The following ZC3H18 variants were observed in gnomAD, a reference collection of about 807,000 sequenced individuals.
The protein encoded by ZC3H18 is zinc finger CCCH-type containing 18.
Under a neutral mutation model 106.1 loss-of-function variants are expected in ZC3H18, and 8 were observed. The observed-to-expected ratio is 0.08, with a 90% CI of 0.04 to 0.14. The LOEUF is 0.14. Among genes scored for constraint, ZC3H18 ranks in the 10% least tolerant of loss-of-function variants. The pLI, the probability that ZC3H18 is intolerant of heterozygous loss-of-function variation, is 1.00. For missense variants in ZC3H18, 1,318 were observed against 1,278.4 expected (o/e 1.03, Z -0.47); for synonymous variants, 635 against 522.1 (o/e 1.22, Z -2.95).
chr16:88,586,691 G>A lies in ZC3H18; in HGVS notation c.688+7G>A, dbSNP rs751831391. The A allele has an allele frequency of 5.0e-6, 8 of 1,613,888 alleles. No individual in the cohort carries two copies. The South Asian group carries it at 8.8e-5, about 18-fold the overall frequency. On this transcript the variant is annotated splice_region_variant and intron_variant, in intron 3 of 17. Coordinates refer to ENST00000301011, the MANE Select transcript of ZC3H18 (RefSeq NM_144604.4). ...TGCCGGTTCTTCATGAAAGGTAATT[G>A]TCTGCGTGTGAGGCCTTCTCGCAGC... is the stretch of plus-strand genomic sequence containing the variant.
chr16:88,623,897 G>T, intron 10 of ZC3H18, 61 bp from the exon 11 acceptor site: 3 of 1,546,254 alleles, frequency 1.9e-6, no homozygotes. Context: ...GTCCTCAGTG[G>T]GCTTGGGCTG....
chr16:88,594,851 A>G (rs1904346396), intron 3 of ZC3H18, among the ~76,000 whole-genome samples: 1 of 152,230 alleles, frequency 6.6e-6, no homozygotes, highest in Non-Finnish European at 1.5e-5. Context: ...GTAAAGATTA[A>G]TAAGAGAATA....
At chr16:88,587,503 A>G (rs2142591118) in intron 3 of ZC3H18, 1 of 1,513,930 alleles carries the variant, frequency 6.6e-7, no homozygotes, top group Non-Finnish European at 8.9e-7. Context: ...TGTGTGTGCC[A>G]TCTAAAGCTC....
chr16:88,611,579 G>T (rs767327582), intron 8 of ZC3H18, 43 bp downstream of exon 8: 1 of 1,539,776 alleles, frequency 6.5e-7, no homozygotes. Context: ...GGGGAGGTCC[G>T]GCATGCAGCT....
chr16:88,574,590 C>A (rs1354729761), intron 1 of ZC3H18, among the ~76,000 whole-genome samples: 3 of 151,018 alleles, frequency 2.0e-5, no homozygotes, highest in Non-Finnish European at 4.4e-5. Context: ...GCAGCCTCAA[C>A]CTCCTAGGAT....
chr16:88,604,827 C>T (rs1039269227), intron 6 of ZC3H18, among the ~76,000 whole-genome samples: 4 of 152,174 alleles, frequency 2.6e-5, no homozygotes, highest in East Asian at 1.9e-4. Flanking sequence ...GTGAGAAATG[C>T]GGTCATCAGT....
At chr16:88,573,552 C>G (rs1459006345) in intron 1 of ZC3H18, among the ~76,000 whole-genome samples, 1 of 151,930 alleles carries the variant, frequency 6.6e-6, no homozygotes, top group Non-Finnish European at 1.5e-5. Context: ...TTGACTTTCC[C>G]ATTTTCAGCA....
At chr16:88,593,921 G>A (rs975135957) in intron 3 of ZC3H18, among the ~76,000 whole-genome samples, 2 of 152,254 alleles carry the variant, frequency 1.3e-5, no homozygotes, top group Non-Finnish European at 2.9e-5. Flanking sequence ...CCCATTCAAA[G>A]TTCAAGATAG....
At chr16:88,582,208 CT>C (rs1215292589) in intron 2 of ZC3H18, among the ~76,000 whole-genome samples, 10 of 117,270 alleles carry the variant, frequency 8.5e-5, no homozygotes, top group African/African-American at 3.0e-4. Context: ...TCCACCTTTC[CT>C]TTTTCTTTTC....
At chr16:88,611,578 C>T (rs921622557) in intron 8 of ZC3H18, 42 bp downstream of exon 8, 101 of 1,539,694 alleles carry the variant, frequency 6.6e-5, no homozygotes, top group Non-Finnish European at 7.8e-5. Flanking sequence ...GGGGGAGGTC[C>T]GGCATGCAGC....
chr16:88,591,496 C>G (rs1024095400), intron 3 of ZC3H18, among the ~76,000 whole-genome samples: 1 of 151,748 alleles, frequency 6.6e-6, no homozygotes, highest in Non-Finnish European at 1.5e-5. Context: ...CGCTTGAACC[C>G]AGTAGGTGGA....
intron 8 of ZC3H18, among the ~76,000 whole-genome samples, chr16:88,620,260 C>T (rs1474421534): frequency 6.6e-6 from 1 of 152,236 alleles, no homozygotes; most frequent in Non-Finnish European, 1.5e-5. Flanking sequence ...GAGAATCCCA[C>T]TCACAGTAAC....
intron 7 of ZC3H18, among the ~76,000 whole-genome samples, chr16:88,609,495 T>C (rs1344170415): frequency 1.3e-5 from 2 of 151,620 alleles, no homozygotes; most frequent in Non-Finnish European, 2.9e-5. Context: ...AGAGACGGGG[T>C]TTTACCATGT....
intron 3 of ZC3H18, among the ~76,000 whole-genome samples, chr16:88,595,640 C>G (rs539718886): frequency 6.6e-6 from 1 of 151,752 alleles, no homozygotes; most frequent in Non-Finnish European, 1.5e-5. Context: ...AACCCTGTCA[C>G]TACTAAAAAT....
intron 1 of ZC3H18, among the ~76,000 whole-genome samples, chr16:88,574,507 C>G (rs1198768212): frequency 1.3e-5 from 2 of 151,500 alleles, no homozygotes; most frequent in Non-Finnish European, 3.0e-5. Flanking sequence ...CCACGCCTGG[C>G]CAGATTTGGG....
At chr16:88,623,917 C>T (rs1177807042) in intron 10 of ZC3H18, 41 bp from the exon 11 acceptor site, 2 of 1,559,926 alleles carry the variant, frequency 1.3e-6, no homozygotes, top group Non-Finnish European at 1.7e-6. Flanking sequence ...GGTGAAGAAA[C>T]ACCCCCAGGC....
intron 3 of ZC3H18, among the ~76,000 whole-genome samples, chr16:88,587,079 C>T (rs1052939257): frequency 6.6e-6 from 1 of 152,176 alleles, no homozygotes; most frequent in Non-Finnish European, 1.5e-5. Context: ...TAGAGATGGC[C>T]GCTTTTCCTG....
At chr16:88,585,109 C>G (rs190370505) in intron 2 of ZC3H18, among the ~76,000 whole-genome samples, 25 of 152,336 alleles carry the variant, frequency 1.6e-4, no homozygotes, top group African/African-American at 5.8e-4. Flanking sequence ...CATCCTGTCA[C>G]TTGGCATAAA....
chr16:88,602,154 C>T (rs1039554557), intron 6 of ZC3H18, among the ~76,000 whole-genome samples: 7 of 152,196 alleles, frequency 4.6e-5, no homozygotes, highest in Admixed American at 1.3e-4. Flanking sequence ...TACCTGTGCC[C>T]GCTGCAGGCA....
Sources: gnomAD v4.1 joint callset for allele counts (sites outside exome capture counted in the v4.1 genomes callset) on GRCh38, gnomAD v4.1.1 for gene constraint, MANE v1.5 for transcripts, NCBI Gene and HGNC (gene_info 2026-07-23, HGNC 2026-07-21) for gene names.